The following RXRB variants were observed in gnomAD, a reference collection of about 807,000 sequenced individuals.
The protein encoded by RXRB is retinoic acid receptor RXR-beta.
In RXRB, 18 loss-of-function variants were observed where a neutral mutation model predicts 52.5. The ratio of observed to expected loss-of-function variants is 0.34; its 90% confidence interval spans 0.24 to 0.51. The LOEUF (loss-of-function observed/expected upper bound fraction) is 0.51, where lower values mean the gene tolerates loss of function less well. Ranked by LOEUF, RXRB falls within the 20% of genes least tolerant of loss-of-function variation. The pLI, the probability that RXRB is intolerant of heterozygous loss-of-function variation, is 0.97. For synonymous variants in RXRB, 233 were observed against 267.1 expected, an observed-to-expected ratio of 0.87 and a Z score of 1.25; for missense variants, 455 against 698.2, an observed-to-expected ratio of 0.65 and a Z score of 3.92.
chr6:33,195,483 G>A lies in RXRB; in HGVS notation c.1257-29C>T, dbSNP rs1454238895. ...GAGAGGGACCTGCAGGTCACTCAAA[G>A]GTCACAGCTCAGCCAGCCTTGGACA... On this transcript the variant is annotated intron_variant, in intron 7 of 9. Coordinates refer to ENST00000374680, the MANE Select transcript of RXRB (RefSeq NM_021976.5). The surrounding 1 kb of genome is among the most constrained non-coding windows in gnomAD (Gnocchi z 8.6). 6.2e-7 allele frequency: 1 copy of A among 1,612,178 alleles called. No individual in the cohort carries two copies. Among genetic ancestry groups the A allele is most frequent in the Admixed American group, 1.7e-5 (1 of 60,024 alleles).
rs1773651977 is a variant in RXRB at position 33,193,970 on chromosome 6, C to T, written c.*712G>A. Reference sequence around the variant, plus strand: ...CAGGGCCCTGCCTTTCCCAAACACCCACCTCCACCACTGGCATTTCTTAGT... The same window carrying T: ...CAGGGCCCTGCCTTTCCCAAACACCTACCTCCACCACTGGCATTTCTTAGT... On this transcript the variant is annotated 3_prime_UTR_variant, in exon 10 of 10. Coordinates refer to ENST00000374680, the MANE Select transcript of RXRB (RefSeq NM_021976.5). 1 of 152,298 alleles carries T rather than the reference C, an allele frequency of 6.6e-6. No homozygotes were observed. The highest frequency in any genetic ancestry group is 2.4e-5 in the African/African-American group (1 of 41,466). 9.4% of individuals were successfully genotyped at this position (152,298 alleles called of 1,614,324 possible).
At chr6:33,200,700 T>C, upstream of RXRB, 6 of 1,546,664 alleles carry the variant, frequency 3.9e-6, no homozygotes, top group Non-Finnish European at 5.2e-6. The surrounding 1 kb of genome is among the most constrained non-coding windows in gnomAD (Gnocchi z 6.3). Flanking sequence ...CCTCGTCTAG[T>C]TGGAAACCGA....
chr6:33,199,444 A>G (rs527703734), intron 1 of RXRB, 28 bp from the exon 2 acceptor site: 173 of 1,262,958 alleles, frequency 1.4e-4, no homozygotes, highest in African/African-American at 6.2e-4. Flanking sequence ...ACAGGCACAC[A>G]GACACACAAG....
In RXRB at chr6:33,200,467, C is replaced by T. The variant is rs1476607376; in HGVS notation, c.10G>A (p.Ala4Thr). MSWAARPPFLPQRH... is the reference protein window; with the variant it reads MSWTARPPFLPQRH... ...TGAGGGAGGAAGGGCGGGCGAGCGG[C>T]CCAAGACATGATCCCTGGCTGAGAG... is the stretch of plus-strand genomic sequence containing the variant. The change falls in exon 1 of 10, where the codon GCC (alanine) becomes ACC (threonine). Residue 4 changes from alanine to threonine, a missense_variant. Ala to Thr is a moderately conservative substitution (Grantham distance 58, BLOSUM62 0). This residue lies in a region of RXRB where 225 missense variants were observed against 258.6 expected (regional missense o/e 0.87). Coordinates refer to ENST00000374680, the MANE Select transcript of RXRB (RefSeq NM_021976.5). The surrounding 1 kb of genome is among the most constrained non-coding windows in gnomAD (Gnocchi z 6.3). 20 of 1,592,092 alleles carry T rather than the reference C, an allele frequency of 1.3e-5. No homozygotes were observed. Among genetic ancestry groups the T allele is most frequent in the Non-Finnish European group, 1.7e-5 (20 of 1,171,736 alleles).
At position 33,195,590 on chromosome 6, in the gene RXRB, T is replaced by C; in HGVS notation, c.1236A>G (p.Gly412=). The C allele has an allele frequency of 6.2e-7, 1 of 1,613,044 alleles. No individual in the cohort carries two copies. The highest frequency in any genetic ancestry group is 8.5e-7 in the Non-Finnish European group (1 of 1,180,040). The change falls in exon 7 of 10, where the codon GGA becomes GGG. Residue 412 remains glycine (G), a synonymous_variant. Coordinates refer to ENST00000374680, the MANE Select transcript of RXRB (RefSeq NM_021976.5). The surrounding 1 kb of genome is among the most constrained non-coding windows in gnomAD (Gnocchi z 8.6). ...CTGACCGATCAAAGATGGCTCCTAC[T>C]CCTGCTGAATGGGCTGAGTTGCGGT... The part of the protein sequence containing the change: ...HVHRNSAHSA[G]VGAIFDRVLT...
chr6:33,196,196 CAATT>C lies in RXRB; in HGVS notation c.994-164_994-161del. ...TCTTCTCTTCTGGCATTAGTGCAAA[CAATT>C]ATTTATTTGGGACATGCCTATGGTT... On this transcript the variant is annotated intron_variant, in intron 5 of 9. Transcript: ENST00000374680. The surrounding 1 kb of genome is among the most constrained non-coding windows in gnomAD (Gnocchi z 4.0). 9.9e-7 allele frequency: 1 copy of C among 1,014,672 alleles called. No homozygotes were observed. The highest frequency in any genetic ancestry group is 1.5e-6 in the Non-Finnish European group (1 of 674,114). 62.9% of individuals were successfully genotyped at this position (1,014,672 alleles called of 1,614,324 possible).
chr6:33,200,709 G>T, upstream of RXRB: 1 of 1,546,590 alleles, frequency 6.5e-7, no homozygotes, highest in South Asian at 1.2e-5. The surrounding 1 kb of genome is among the most constrained non-coding windows in gnomAD (Gnocchi z 6.3). Context: ...GTTGGAAACC[G>T]AGGAGGCGGT....
At position 33,200,274 on chromosome 6, in the gene RXRB, G is replaced by A; in HGVS notation, c.203C>T (p.Ala68Val). 1 of 1,607,060 alleles carries A rather than the reference G, an allele frequency of 6.2e-7. No homozygotes were observed. The highest frequency in any genetic ancestry group is 8.5e-7 in the Non-Finnish European group (1 of 1,178,866). Reference protein sequence around the residue: ...QQTPEPEPGEAGRDGMGDSGR... With the variant: ...QQTPEPEPGEVGRDGMGDSGR... ...GCTGTCGCCCATCCCGTCCCGTCCAGCCTCCCCTGGCTCCGGCTCCGGGGT... is the reference window on the plus strand; with the variant it reads ...GCTGTCGCCCATCCCGTCCCGTCCAACCTCCCCTGGCTCCGGCTCCGGGGT... Residue 68 changes from alanine to valine, a missense_variant, in exon 1 of 10, where the codon GCT becomes GTT. Physicochemically the swap from Ala to Val is moderately conservative, Grantham distance 64. This residue lies in a region of RXRB where 225 missense variants were observed against 258.6 expected (regional missense o/e 0.87). Transcript: ENST00000374680. This position sits in a 1 kb window ranked among gnomAD's most constrained non-coding sequence, Gnocchi z 6.3.
chr6:33,197,529 G>A lies in RXRB; in HGVS notation c.820+233C>T, dbSNP rs557025416. Reference sequence around the variant, plus strand: ...GCTAAGGAAAAGTTATCCTATCCTAGGATCAGTCTAGGGAGGGGTCATATG... The same window carrying A: ...GCTAAGGAAAAGTTATCCTATCCTAAGATCAGTCTAGGGAGGGGTCATATG... On this transcript the variant is annotated intron_variant, in intron 4 of 9. Transcript: ENST00000374680. The surrounding 1 kb of genome is among the most constrained non-coding windows in gnomAD (Gnocchi z 4.4). 1.3e-5 allele frequency among the ~76,000 whole-genome samples: 2 copies of A among 152,192 alleles called. No homozygotes were observed. Among genetic ancestry groups the A allele is most frequent in the South Asian group, 4.1e-4 (2 of 4,834 alleles).
At chr6:33,198,950 A>AC (rs1774160550) in intron 2 of RXRB, among the ~76,000 whole-genome samples, 1 of 151,438 alleles carries the variant, frequency 6.6e-6, no homozygotes, top group Non-Finnish European at 1.5e-5. Flanking sequence ...ACACACACAC[A>AC]AAAACAAAGA....
chr6:33,194,607 C>A lies in RXRB; in HGVS notation c.*75G>T. 1 of 1,530,192 alleles carries A rather than the reference C, an allele frequency of 6.5e-7. No individual in the cohort carries two copies. The highest frequency in any genetic ancestry group is 8.9e-7 in the Non-Finnish European group (1 of 1,128,418). 94.8% of individuals were successfully genotyped at this position (1,530,192 alleles called of 1,614,324 possible). A position where few individuals can be genotyped will look rare whatever the true frequency, so the allele number is the denominator to read the frequency against. ...AAGGTTCTGGGAACATGGCCCCCCA[C>A]CCTGCCCCAGGGCTTGGAGTCCCTC... On this transcript the variant is annotated 3_prime_UTR_variant, in exon 10 of 10. Coordinates refer to ENST00000374680, the MANE Select transcript of RXRB (RefSeq NM_021976.5). This position sits in a 1 kb window ranked among gnomAD's most constrained non-coding sequence, Gnocchi z 4.1.
rs1349362129 is a variant in RXRB at position 33,200,235 on chromosome 6, C to G, written c.235+7G>C. On this transcript the variant is annotated splice_region_variant and intron_variant, in intron 1 of 9. Coordinates refer to ENST00000374680, the MANE Select transcript of RXRB (RefSeq NM_021976.5). The surrounding 1 kb of genome is among the most constrained non-coding windows in gnomAD (Gnocchi z 6.3). Reference sequence around the variant, plus strand: ...TGGCTCGCCTGCCCTTCTGCTGGGGCACTCACCCCGCCCGCTGTCGCCCAT... The same window carrying G: ...TGGCTCGCCTGCCCTTCTGCTGGGGGACTCACCCCGCCCGCTGTCGCCCAT... 1.0e-5 allele frequency: 16 copies of G among 1,604,866 alleles called. No individual in the cohort carries two copies. Among genetic ancestry groups the G allele is most frequent in the Non-Finnish European group, 1.4e-5 (16 of 1,177,338 alleles).
rs1466014881 is a variant in RXRB, at chr6:33,199,259, A to G, written c.393T>C (p.Ser131=). 2 of 662,366 alleles carry G rather than the reference A, an allele frequency of 3.0e-6. No homozygotes were observed. The highest frequency in any genetic ancestry group is 5.4e-5 in the East Asian group (1 of 18,366). 41.0% of individuals were successfully genotyped at this position (662,366 alleles called of 1,614,324 possible). A position where few individuals can be genotyped will look rare whatever the true frequency, so the allele number is the denominator to read the frequency against. ...PPPMPPPPLG[S]PFPVISSSMG... ...TGGAAGAACTGATGACTGGAAAGGG[A>G]GAGCCCAGTGGGGGTGGTGGCATCG... The change falls in exon 2 of 10, where the codon TCT becomes TCC. Residue 131 remains serine, a synonymous_variant. Transcript: ENST00000374680.
intron 1 of RXRB, chr6:33,199,631 C>G: frequency 2.0e-6 from 1 of 505,450 alleles, no homozygotes; most frequent in Non-Finnish European, 3.6e-6. Context: ...GTTATCAGAA[C>G]TTATTAACAT....
chr6:33,200,427 C>T lies in RXRB; in HGVS notation c.50G>A (p.Gly17Glu), dbSNP rs1774412043. ...TCGCACCCCCACCGGCCCACACTGC[C>T]CTGCGGCATGCCGCTGAGGGAGGAA... ...PPFLPQRHAAGQCGPVGVRKE... is the reference protein window; with the variant it reads ...PPFLPQRHAAEQCGPVGVRKE... The change falls in exon 1 of 10, where the codon GGG becomes GAG. Residue 17 changes from glycine (G) to glutamate (E), a missense_variant. Transcript: ENST00000374680. This position sits in a 1 kb window ranked among gnomAD's most constrained non-coding sequence, Gnocchi z 6.3. 5 of 1,586,438 alleles carry T rather than the reference C, an allele frequency of 3.2e-6. No individual in the cohort carries two copies. The highest frequency in any genetic ancestry group is 1.7e-4 in the Middle Eastern group (1 of 6,052).
In RXRB at chr6:33,195,359, T is replaced by C; in HGVS notation, c.1348+4A>G. The C allele has an allele frequency of 1.3e-6, 2 of 1,592,992 alleles. No homozygotes were observed. Among genetic ancestry groups the C allele is most frequent in the Non-Finnish European group, 1.7e-6 (2 of 1,161,792 alleles). On this transcript the variant is annotated splice_donor_region_variant and intron_variant, in intron 8 of 9. Transcript: ENST00000374680. This position sits in a 1 kb window ranked among gnomAD's most constrained non-coding sequence, Gnocchi z 8.6. ...TTGAGAGACAAAGGTAATCCTCCTC[T>C]TACCTGGATTAAACAGAATGATTGC...
rs146898109 is a variant in RXRB at position 33,198,808 on chromosome 6, G to A, written c.484-344C>T. On this transcript the variant is annotated intron_variant, in intron 2 of 9. Coordinates refer to ENST00000374680, the MANE Select transcript of RXRB (RefSeq NM_021976.5). ...AGGCACCTGTAATCCCAGCTACTCA[G>A]GAGGCTGAGGCAGGAGAATTGCTTG... Among the ~76,000 whole-genome samples the A allele has an allele frequency of 7.5e-3, 1,144 of 151,838 alleles. 13 individuals are homozygous for A. Among genetic ancestry groups the A allele is most frequent in the African/African-American group, 0.026 (1,073 of 41,358 alleles).
Position 33,200,105 on chromosome 6 carries a change from C to T in RXRB, c.235+137G>A. 1 of 1,245,786 alleles carries T rather than the reference C, an allele frequency of 8.0e-7. No homozygotes were observed. Among genetic ancestry groups the T allele is most frequent in the Non-Finnish European group, 1.2e-6 (1 of 858,994 alleles). 77.2% of individuals were successfully genotyped at this position (1,245,786 alleles called of 1,614,324 possible). The stretch of plus-strand genomic sequence containing the variant: ...CGCCCCGGGGGGGAGGGTGCTAAGG[C>T]CCTCGGGAGGGAGGGGACGCGTGTT... On this transcript the variant is annotated intron_variant, in intron 1 of 9. Coordinates refer to ENST00000374680, the MANE Select transcript of RXRB (RefSeq NM_021976.5). This position sits in a 1 kb window ranked among gnomAD's most constrained non-coding sequence, Gnocchi z 6.3.
rs1774240120 is a variant in RXRB at position 33,199,416 on chromosome 6, T to A, written c.236A>T (p.Asp79Val). 1 of 1,250,474 alleles carries A rather than the reference T, an allele frequency of 8.0e-7. No individual in the cohort carries two copies. Among genetic ancestry groups the A allele is most frequent in the African/African-American group, 1.6e-5 (1 of 64,044 alleles). The allele number at this position is 1,250,474 out of a possible 1,614,324, so 77.5% of individuals were successfully genotyped here. ...GRDGMGDSGR[D>V]SRSPDSSSPN... ...GGAGGAGCTGTCTGGGCTTCGGGAG[T>A]CTGAGGGAGGGGTATGTACAGGCAC... is the stretch of plus-strand genomic sequence containing the variant. The change falls in exon 2 of 10, where the codon GAC (aspartate) becomes GTC (valine). Residue 79 changes from aspartate (D) to valine (V), a missense_variant and splice_region_variant. By Grantham distance (152) the Asp-to-Val change is radical. Coordinates refer to ENST00000374680, the MANE Select transcript of RXRB (RefSeq NM_021976.5).
Sources: allele counts gnomAD v4.1 joint callset (sites outside exome capture counted in the v4.1 genomes callset), GRCh38; gene constraint gnomAD v4.1.1; regional missense constraint gnomAD v4.1.1; non-coding constraint Gnocchi (gnomAD v3.1); transcripts MANE v1.5; gene names NCBI Gene and HGNC (gene_info 2026-07-23, HGNC 2026-07-21).